The following GEMIN8 variants were observed in gnomAD, a reference collection of about 807,000 sequenced individuals.
GEMIN8 encodes the protein gem-associated protein 8.
For synonymous variants in GEMIN8, 80 were observed against 78.5 expected, an observed-to-expected ratio of 1.02 and a Z score of -0.10; for missense variants, 185 against 205.9, an observed-to-expected ratio of 0.90 and a Z score of 0.62.
At chrX:14,024,358 G>C (rs999776454) in intron 2 of GEMIN8, among the ~76,000 whole-genome samples, 94 of 111,507 alleles carry the variant, frequency 8.4e-4, no homozygotes, top group African/African-American at 3.0e-3. Context: ...AATTAGCTGG[G>C]TCTGGTGGCG....
chrX:14,013,691 G>C (rs1923712913), intron 4 of GEMIN8, among the ~76,000 whole-genome samples: 1 of 111,546 alleles, frequency 9.0e-6, no homozygotes, highest in African/African-American at 3.3e-5. Flanking sequence ...GGAACACCAG[G>C]AAACACCAGA....
the GEMIN8 span, among the ~76,000 whole-genome samples, chrX:14,000,881 C>T: frequency 1.8e-4 from 20 of 110,874 alleles, no homozygotes; most frequent in Admixed American, 5.8e-4. Flanking sequence ...TTTGACATGC[C>T]GCCGTCCTTT....
Position 14,008,845 on chromosome X carries a change from CAGA to C in GEMIN8, c.*65_*67del. Reference sequence around the variant, plus strand: ...AAGTCCCCTTTCCCTAAGAAATGTACAGAAGGAGAGATAAAGAGCGTGTACCCA... The same window carrying C: ...AAGTCCCCTTTCCCTAAGAAATGTACAGGAGAGATAAAGAGCGTGTACCCA... On this transcript the variant is annotated 3_prime_UTR_variant, in exon 5 of 5. Coordinates refer to ENST00000680255, the MANE Select transcript of GEMIN8 (RefSeq NM_001042479.2). 2 of 1,041,373 alleles carry C rather than the reference CAGA, an allele frequency of 1.9e-6. No homozygotes were observed. The highest frequency in any genetic ancestry group is 3.0e-5 in the East Asian group (1 of 33,039). The allele number at this position is 1,041,373 out of a possible 1,213,427, so 85.8% of individuals were successfully genotyped here. A position where few individuals can be genotyped will look rare whatever the true frequency, so the allele number is the denominator to read the frequency against.
At chrX:13,998,684 G>T in the GEMIN8 span, among the ~76,000 whole-genome samples, 1 of 111,089 alleles carries the variant, frequency 9.0e-6, no homozygotes, top group East Asian at 2.8e-4. Flanking sequence ...AAACTCCTGG[G>T]CGCAAGAGAT....
At chrX:14,017,791 C>G (rs1314726765) in intron 4 of GEMIN8, among the ~76,000 whole-genome samples, 1 of 112,060 alleles carries the variant, frequency 8.9e-6, no homozygotes, top group Non-Finnish European at 1.9e-5. Context: ...GGATTAGGAT[C>G]CCTGTAATGA....
At chrX:13,986,757 C>G in the GEMIN8 span, among the ~76,000 whole-genome samples, 1 of 111,688 alleles carries the variant, frequency 9.0e-6, no homozygotes, top group Non-Finnish European at 1.9e-5. Context: ...TGGCTGAAAA[C>G]CAAGGTTTCT....
chrX:14,016,230 G>A (rs1450042529), intron 4 of GEMIN8, among the ~76,000 whole-genome samples: 1 of 112,079 alleles, frequency 8.9e-6, no homozygotes, highest in Non-Finnish European at 1.9e-5. Context: ...GCATGACACA[G>A]ACGCTAAGAA....
chrX:14,009,228 G>A, intron 4 of GEMIN8, 59 bp from the exon 5 acceptor site: 1 of 1,096,959 alleles, frequency 9.1e-7, no homozygotes, highest in Admixed American at 2.3e-5. Flanking sequence ...ACTGCAGAAG[G>A]AGCCCAGTGA....
At chrX:14,002,527 G>C (rs902582310), downstream of GEMIN8, among the ~76,000 whole-genome samples, 1 of 110,601 alleles carries the variant, frequency 9.0e-6, no homozygotes, top group Non-Finnish European at 1.9e-5. Flanking sequence ...CGCTCTTGTC[G>C]CCCAGGCTGG....
chrX:14,016,611 G>A (rs980605581), intron 4 of GEMIN8, among the ~76,000 whole-genome samples: 5 of 108,121 alleles, frequency 4.6e-5, no homozygotes, highest in African/African-American at 1.3e-4. Flanking sequence ...TTGGGAGGCC[G>A]AGGCAGGTGG....
At chrX:13,990,489 C>T in the GEMIN8 span, among the ~76,000 whole-genome samples, 1 of 112,096 alleles carries the variant, frequency 8.9e-6, no homozygotes, top group Admixed American at 9.4e-5. Flanking sequence ...CTTCTCAGCA[C>T]TTTTACCTTC....
chrX:13,985,332 T>C, the GEMIN8 span, among the ~76,000 whole-genome samples: 1 of 111,917 alleles, frequency 8.9e-6, no homozygotes, highest in African/African-American at 3.2e-5. Flanking sequence ...AGGAAGTCCA[T>C]TTGGAGCTGG....
intron 2 of GEMIN8, among the ~76,000 whole-genome samples, chrX:14,025,344 A>G (rs1437102030): frequency 8.2e-5 from 9 of 109,801 alleles, no homozygotes; most frequent in African/African-American, 3.0e-4. Context: ...TTAAAAAAAA[A>G]AAAAACACAC....
At position 14,021,464 on chromosome X, in the gene GEMIN8, C is replaced by G. The variant is rs1209643098; in HGVS notation, c.15G>C (p.Lys5Asn). 5.4e-6 allele frequency: 6 copies of G among 1,101,126 alleles called. No individual in the cohort carries two copies. The highest frequency in any genetic ancestry group is 7.5e-6 in the Non-Finnish European group (6 of 800,124). The allele number at this position is 1,101,126 out of a possible 1,213,427, so 90.7% of individuals were successfully genotyped here. ...AAAAATAAAAAAATAAAAATCTTAC[C>G]TTTACCGCTGCCATCTCTGATTGTG... The part of the protein sequence containing the change: MAAV[K>N]ASTSKATRPW... Residue 5 changes from lysine to asparagine, a missense_variant and splice_region_variant, in exon 3 of 5, where the codon AAG becomes AAC. Lys to Asn is a moderately conservative substitution (Grantham distance 94, BLOSUM62 0). Transcript: ENST00000680255.
chrX:14,026,264 C>T (rs1050338607), intron 1 of GEMIN8, 43 bp from the exon 2 acceptor site: 14 of 749,947 alleles, frequency 1.9e-5, no homozygotes, highest in Admixed American at 8.8e-5. Context: ...GGCCGGGATC[C>T]GCAGCTCTAC....
intron 4 of GEMIN8, chrX:14,014,610 A>G (rs1923789888): frequency 6.8e-6 from 4 of 588,749 alleles, no homozygotes; most frequent in Non-Finnish European, 8.2e-6. Flanking sequence ...AACCTCATTG[A>G]CTAAAGCAAG....
At chrX:14,004,751 C>T (rs186644229), downstream of GEMIN8, among the ~76,000 whole-genome samples, 52 of 111,552 alleles carry the variant, frequency 4.7e-4, 1 homozygote, top group Admixed American at 4.0e-3. Flanking sequence ...TTAGTAGAGA[C>T]GGGGTTTCAC....
At chrX:14,022,514 T>C (rs1924438764) in intron 2 of GEMIN8, among the ~76,000 whole-genome samples, 1 of 111,808 alleles carries the variant, frequency 8.9e-6, no homozygotes, top group Admixed American at 9.5e-5. Flanking sequence ...TACCCACCTG[T>C]TGTGATTTGC....
At chrX:14,010,590 T>A (rs1923469731) in intron 4 of GEMIN8, among the ~76,000 whole-genome samples, 1 of 112,538 alleles carries the variant, frequency 8.9e-6, no homozygotes, top group African/African-American at 3.2e-5. Context: ...CCATGCATAG[T>A]CGCTCGCATA....
Sources: gnomAD v4.1 joint callset for allele counts (sites outside exome capture counted in the v4.1 genomes callset) on GRCh38, gnomAD v4.1.1 for gene constraint, MANE v1.5 for transcripts, NCBI Gene and HGNC (gene_info 2026-07-23, HGNC 2026-07-21) for gene names.